Variants in SAMD12 observed in about 807,000 individuals in gnomAD.
SAMD12 encodes the protein sterile alpha motif domain containing 12.
SAMD12 carries 9 observed loss-of-function variants against 15.0 expected under a neutral mutation model. That is an observed-to-expected ratio of 0.60 (90% CI 0.36 to 1.05). The LOEUF (loss-of-function observed/expected upper bound fraction) is 1.05, where lower values mean the gene tolerates loss of function less well. Ranked by LOEUF, SAMD12 falls within the 50% of genes least tolerant of loss-of-function variation. The probability of loss-of-function intolerance (pLI) is 0.01; values close to 1 mark genes in which losing one functional copy is unlikely to be tolerated. For synonymous variants in SAMD12, 86 were observed against 90.1 expected, an observed-to-expected ratio of 0.96 and a Z score of 0.25; for missense variants, 230 against 234.2, an observed-to-expected ratio of 0.98 and a Z score of 0.12.
rs184440253 is a variant in SAMD12 at position 118,273,282 on chromosome 8, T to G, written c.434-75550A>C. 5.0e-4 allele frequency among the ~76,000 whole-genome samples: 76 copies of G among 152,254 alleles called. No individual in the cohort carries two copies. The East Asian group carries it at 0.013, about 27-fold the overall frequency. ...ATAAAACCATCAACTCTTGTGAAAC[T>G]CAGTCACTATTACGAGAACAGCATG... is the stretch of plus-strand genomic sequence containing the variant. On this transcript the variant is annotated intron_variant, in intron 4 of 4. Coordinates refer to the SAMD12 transcript ENST00000409003.
At chr8:118,521,685 T>C (rs1193570938) in intron 2 of SAMD12, among the ~76,000 whole-genome samples, 4 of 152,052 alleles carry the variant, frequency 2.6e-5, no homozygotes, top group African/African-American at 9.7e-5. Flanking sequence ...GTGCTGACGA[T>C]CTCTATCCAG....
intron 3 of SAMD12, among the ~76,000 whole-genome samples, chr8:118,406,890 TTGTGTGTG>T (rs3052708): frequency 1.4e-5 from 2 of 147,328 alleles, no homozygotes; most frequent in Non-Finnish European, 1.5e-5. Flanking sequence ...CAATATTCCA[TTGTGTGTG>T]TGTGTGTGTG....
chr8:118,514,704 T>C (rs1825181338), intron 2 of SAMD12, among the ~76,000 whole-genome samples: 1 of 152,232 alleles, frequency 6.6e-6, no homozygotes. Context: ...AATTGTAGCA[T>C]GGACAAGTGG....
At chr8:118,214,994 G>T (rs1198085563) in intron 4 of SAMD12, among the ~76,000 whole-genome samples, 1 of 152,184 alleles carries the variant, frequency 6.6e-6, no homozygotes, top group African/African-American at 2.4e-5. Context: ...CACGTTAGGA[G>T]AATTTACTTG....
intron 4 of SAMD12, among the ~76,000 whole-genome samples, chr8:118,312,971 A>G (rs4593580): frequency 0.41 from 61,975 of 152,050 alleles, 13,199 homozygotes; most frequent in African/African-American, 0.54. Context: ...GTCCTTTCTT[A>G]AGATGACTAA....
chr8:118,418,877 C>A (rs1205444001), intron 3 of SAMD12, among the ~76,000 whole-genome samples: 1 of 152,158 alleles, frequency 6.6e-6, no homozygotes, highest in African/African-American at 2.4e-5. Flanking sequence ...TGTTTCTAGT[C>A]CATCTGTCCC....
chr8:118,207,581 G>C (rs141496176), intron 4 of SAMD12, among the ~76,000 whole-genome samples: 1 of 152,120 alleles, frequency 6.6e-6, no homozygotes, highest in Admixed American at 6.5e-5. Context: ...ATTATACTCC[G>C]AGGGACTGTT....
intron 4 of SAMD12, among the ~76,000 whole-genome samples, chr8:118,246,052 A>G (rs765488174): frequency 6.6e-6 from 1 of 152,162 alleles, no homozygotes; most frequent in Non-Finnish European, 1.5e-5. Flanking sequence ...CTCAATTCTC[A>G]TCAGCTAAGC....
intron 4 of SAMD12, among the ~76,000 whole-genome samples, chr8:118,298,196 A>G (rs187459271): frequency 3.9e-4 from 59 of 152,356 alleles, no homozygotes; most frequent in African/African-American, 1.4e-3. Flanking sequence ...TTAACCTTTA[A>G]GAAATACAAG....
chr8:118,173,516 C>T, the SAMD12 span, among the ~76,000 whole-genome samples: 1 of 149,712 alleles, frequency 6.7e-6, no homozygotes, highest in Non-Finnish European at 1.5e-5. Flanking sequence ...ATGCGATGGG[C>T]TATTTTTGGA....
intron 4 of SAMD12, among the ~76,000 whole-genome samples, chr8:118,203,637 C>T (rs2451155): frequency 0.87 from 131,645 of 151,844 alleles, 58,173 homozygotes; most frequent in Non-Finnish European, 0.92. Context: ...CATGTGCAGG[C>T]TTGTTACATA....
chr8:118,387,673 T>C (rs13261748), intron 3 of SAMD12, among the ~76,000 whole-genome samples: 37,486 of 152,056 alleles, frequency 0.25, 4,750 homozygotes, highest in Admixed American at 0.27. Context: ...GCAGAAGCCA[T>C]GCTCTGAACC....
intron 1 of SAMD12, among the ~76,000 whole-genome samples, chr8:118,609,864 TAGAC>T (rs1586854920): frequency 6.6e-6 from 1 of 152,164 alleles, no homozygotes; most frequent in South Asian, 2.1e-4. Context: ...TCCCCTCTGA[TAGAC>T]AGAGCAGAGC....
intron 4 of SAMD12, among the ~76,000 whole-genome samples, chr8:118,263,146 T>G (rs1813118025): frequency 6.6e-6 from 1 of 152,076 alleles, no homozygotes; most frequent in Non-Finnish European, 1.5e-5. Context: ...GCAGTTTGGG[T>G]GAAATGCCCT....
chr8:118,542,704 T>C (rs573239247), intron 2 of SAMD12, among the ~76,000 whole-genome samples: 1 of 152,350 alleles, frequency 6.6e-6, no homozygotes, highest in Non-Finnish European at 1.5e-5. Context: ...TTGTGCACAT[T>C]CAGGTAATAA....
At chr8:118,189,979 A>C (rs1819318221) in exon 5 of SAMD12, 1 of 151,526 alleles carries the variant, frequency 6.6e-6, no homozygotes, top group African/African-American at 2.4e-5. Flanking sequence ...AGAAAGAAAA[A>C]CCCAACAGTT....
At chr8:118,254,508 T>C (rs1019964872) in intron 4 of SAMD12, among the ~76,000 whole-genome samples, 1 of 152,166 alleles carries the variant, frequency 6.6e-6, no homozygotes, top group Non-Finnish European at 1.5e-5. Flanking sequence ...CACCAGGCTT[T>C]TTGGAGACAA....
chr8:118,451,198 G>A (rs184614450), intron 2 of SAMD12, among the ~76,000 whole-genome samples: 2 of 152,296 alleles, frequency 1.3e-5, no homozygotes, highest in South Asian at 2.1e-4. Flanking sequence ...TCATGCTTAC[G>A]TCATGATAGC....
intron 4 of SAMD12, among the ~76,000 whole-genome samples, chr8:118,219,184 C>T (rs186746497): frequency 7.2e-5 from 11 of 152,280 alleles, no homozygotes; most frequent in Admixed American, 3.3e-4. Context: ...ACGTCTATGA[C>T]GTGCATTTTG....
Sources: gnomAD v4.1 joint callset for allele counts (sites outside exome capture counted in the v4.1 genomes callset) on GRCh38, gnomAD v4.1.1 for gene constraint, MANE v1.5 for transcripts, NCBI Gene and HGNC (gene_info 2026-07-23, HGNC 2026-07-21) for gene names.